The following MMRN1 variants were observed in gnomAD, a reference collection of about 807,000 sequenced individuals.
MMRN1 encodes the protein multimerin 1.
MMRN1 carries 94 observed loss-of-function variants against 100.7 expected under a neutral mutation model. The observed-to-expected ratio is 0.93, with a 90% CI of 0.79 to 1.11. MMRN1 has a LOEUF of 1.11. Among genes scored for constraint, MMRN1 ranks in the 50% least tolerant of loss-of-function variants. MMRN1 has a pLI of 0.00. For missense variants in MMRN1, 1,606 were observed against 1,439.1 expected, an observed-to-expected ratio of 1.12 and a Z score of -1.88; for synonymous variants, 575 against 505.0, an observed-to-expected ratio of 1.14 and a Z score of -1.86.
In MMRN1 at chr4:89,895,540, G is replaced by T; in HGVS notation, c.569G>T (p.Ser190Ile). The T allele has an allele frequency of 6.2e-7, 1 of 1,613,732 alleles. No individual in the cohort carries two copies. The highest frequency in any genetic ancestry group is 8.5e-7 in the Non-Finnish European group (1 of 1,179,864). The change falls in exon 1 of 8, where the codon AGT becomes ATT. Residue 190 changes from serine to isoleucine, a missense_variant. By Grantham distance (142) the Ser-to-Ile change is moderately radical. Coordinates refer to ENST00000264790, the MANE Select transcript of MMRN1 (RefSeq NM_007351.3). ...ACATACCTCAGCCGGGGTGACAGCA[G>T]TTCCAGCCAAAGAACTGACTACCAA... ...RETYLSRGDS[S>I]SSQRTDYQKS...
At position 89,935,751 on chromosome 4, in the gene MMRN1, A is replaced by C. The variant is rs568205058; in HGVS notation, c.2071A>C (p.Ile691Leu). Residue 691 changes from isoleucine to leucine, a missense_variant, in exon 6 of 8, where the codon ATT becomes CTT. Ile to Leu is a conservative substitution (Grantham distance 5). Transcript: ENST00000264790. ...TAGTGCTGTCAATAGTCTAAATTTT[A>C]TTATCAAAGAACTTACAAAAAGACA... Reference protein sequence around the residue: ...LTSAVNSLNFIIKELTKRHNL... With the variant: ...LTSAVNSLNFLIKELTKRHNL... The C allele has an allele frequency of 3.1e-6, 5 of 1,611,908 alleles. No individual in the cohort carries two copies. The South Asian group carries it at 4.4e-5, about 14-fold the overall frequency.
At chr4:89,939,806 T>C (rs2110641856) in intron 6 of MMRN1, among the ~76,000 whole-genome samples, 1 of 152,294 alleles carries the variant, frequency 6.6e-6, no homozygotes, top group East Asian at 1.9e-4. Context: ...AGGGAGTTTC[T>C]TTTCTTGAAG....
At chr4:89,928,985 T>C (rs1389075845) in intron 5 of MMRN1, among the ~76,000 whole-genome samples, 1 of 152,084 alleles carries the variant, frequency 6.6e-6, no homozygotes, top group Non-Finnish European at 1.5e-5. Context: ...ATACACAGGA[T>C]ACAATGGGAC....
chr4:89,882,128 G>T (rs1192053207), intron 1 of MMRN1, among the ~76,000 whole-genome samples: 2 of 151,648 alleles, frequency 1.3e-5, no homozygotes, highest in Non-Finnish European at 3.0e-5. Context: ...GATATGGAGT[G>T]GGGGATATTG....
At chr4:89,939,595 G>T (rs761805449) in intron 6 of MMRN1, among the ~76,000 whole-genome samples, 5 of 152,188 alleles carry the variant, frequency 3.3e-5, no homozygotes, top group Middle Eastern at 3.4e-3. Context: ...AAAGTATCCT[G>T]CCTAAGGTCA....
At chr4:89,950,590 G>T (rs1178501155) in intron 6 of MMRN1, among the ~76,000 whole-genome samples, 1 of 151,978 alleles carries the variant, frequency 6.6e-6, no homozygotes, top group East Asian at 1.9e-4. Flanking sequence ...TTAGTAATGA[G>T]GTTGCATATG....
intron 3 of MMRN1, among the ~76,000 whole-genome samples, chr4:89,918,988 CAA>C (rs1038278689): frequency 4.0e-5 from 6 of 151,600 alleles, no homozygotes; most frequent in African/African-American, 1.5e-4. Context: ...TGAAAGAGTT[CAA>C]GTTTCATTAA....
chr4:89,931,699 A>C (rs1334473510), intron 5 of MMRN1, among the ~76,000 whole-genome samples: 1 of 152,190 alleles, frequency 6.6e-6, no homozygotes, highest in Non-Finnish European at 1.5e-5. Flanking sequence ...GAGCATGTGC[A>C]GGGGAACTGC....
In MMRN1 at chr4:89,954,564, GT is replaced by G. The variant is rs1723287257; in HGVS notation, c.*1149del. 6.6e-6 allele frequency: 1 copy of G among 151,984 alleles called. No homozygotes were observed. The highest frequency in any genetic ancestry group is 2.1e-4 in the South Asian group (1 of 4,822). The allele number at this position is 151,984 out of a possible 1,614,324, so 9.4% of individuals were successfully genotyped here. A position where few individuals can be genotyped will look rare whatever the true frequency, so the allele number is the denominator to read the frequency against. On this transcript the variant is annotated 3_prime_UTR_variant, in exon 8 of 8. Transcript: ENST00000264790. The stretch of plus-strand genomic sequence containing the variant: ...ACATTCCTTGGATATCTGACAACGT[GT>G]TTCTGAAAAACAGATTTTCATAAGT...
At chr4:89,912,685 A>T (rs1335872320) in intron 3 of MMRN1, among the ~76,000 whole-genome samples, 1 of 151,220 alleles carries the variant, frequency 6.6e-6, no homozygotes, top group Non-Finnish European at 1.5e-5. Flanking sequence ...AATAAGATAC[A>T]GCATCAGCAT....
upstream of MMRN1, among the ~76,000 whole-genome samples, chr4:89,892,361 T>C (rs1721074152): frequency 1.3e-5 from 2 of 151,416 alleles, no homozygotes; most frequent in South Asian, 4.2e-4. Context: ...AATCCAACAA[T>C]AGTATTTTAG....
chr4:89,923,352 T>G, intron 4 of MMRN1, 80 bp downstream of exon 4: 50 of 1,231,164 alleles, frequency 4.1e-5, no homozygotes, highest in Non-Finnish European at 5.3e-5. Context: ...AAGAAATCTC[T>G]TAGTTGTCAA....
upstream of MMRN1, among the ~76,000 whole-genome samples, chr4:89,890,247 T>C (rs1207068634): frequency 1.3e-5 from 2 of 151,172 alleles, no homozygotes; most frequent in Non-Finnish European, 2.9e-5. Flanking sequence ...TTTTTTTTTT[T>C]TTCCCCTGTG....
chr4:89,894,890 C>T lies in MMRN1; in HGVS notation c.-82C>T, dbSNP rs1290708033. The stretch of plus-strand genomic sequence containing the variant: ...TGGCAAAACTCAGTCTTAGCAGATT[C>T]AGTGTGGAAGCAGCTATCAAAAAGG... On this transcript the variant is annotated 5_prime_UTR_variant, in exon 1 of 8. Coordinates refer to ENST00000264790, the MANE Select transcript of MMRN1 (RefSeq NM_007351.3). 2.0e-6 allele frequency: 3 copies of T among 1,523,126 alleles called. No homozygotes were observed. The highest frequency in any genetic ancestry group is 4.5e-5 in the East Asian group (2 of 44,010). The allele number at this position is 1,523,126 out of a possible 1,614,324, so 94.4% of individuals were successfully genotyped here. A position where few individuals can be genotyped will look rare whatever the true frequency, so the allele number is the denominator to read the frequency against.
intron 4 of MMRN1, among the ~76,000 whole-genome samples, chr4:89,926,173 C>T (rs756241180): frequency 6.6e-6 from 1 of 152,090 alleles, no homozygotes; most frequent in Non-Finnish European, 1.5e-5. Context: ...CATATGGTAG[C>T]TCTATTTTTA....
intron 6 of MMRN1, among the ~76,000 whole-genome samples, chr4:89,949,859 T>G (rs768085819): frequency 9.2e-5 from 14 of 152,194 alleles, no homozygotes; most frequent in Non-Finnish European, 1.8e-4. Context: ...ATATAAAAAT[T>G]TATAGGTCTC....
At chr4:89,949,218 T>C (rs1723084092) in intron 6 of MMRN1, among the ~76,000 whole-genome samples, 1 of 152,316 alleles carries the variant, frequency 6.6e-6, no homozygotes, top group South Asian at 2.1e-4. Context: ...GTTCTCCTTA[T>C]AGCACAGCTT....
intron 2 of MMRN1, among the ~76,000 whole-genome samples, chr4:89,910,789 C>A (rs945511601): frequency 6.6e-6 from 1 of 151,354 alleles, no homozygotes; most frequent in Non-Finnish European, 1.5e-5. Flanking sequence ...TTGCAACTGA[C>A]AAATAGCCTC....
chr4:89,936,177 C>G lies in MMRN1; in HGVS notation c.2497C>G (p.Gln833Glu). Residue 833 changes from glutamine to glutamate, a missense_variant, in exon 6 of 8, where the codon CAA becomes GAA. Physicochemically the swap from Gln to Glu is conservative, Grantham distance 29. Transcript: ENST00000264790. ...TCAAATGTTCAATGAAACCACTTCC[C>G]AAGTGAGAAAATACCAGCAAAATAT... is the stretch of plus-strand genomic sequence containing the variant. ...MYQMFNETTS[Q>E]VRKYQQNMSH... 1 of 1,610,796 alleles carries G rather than the reference C, an allele frequency of 6.2e-7. No individual in the cohort carries two copies. The highest frequency in any genetic ancestry group is 8.5e-7 in the Non-Finnish European group (1 of 1,179,106).
Sources: allele counts gnomAD v4.1 joint callset (sites outside exome capture counted in the v4.1 genomes callset), GRCh38; gene constraint gnomAD v4.1.1; transcripts MANE v1.5; gene names NCBI Gene and HGNC (gene_info 2026-07-23, HGNC 2026-07-21).